The following KLHL3 variants were observed in gnomAD, a reference collection of about 807,000 sequenced individuals.
KLHL3 encodes the protein kelch-like protein 3.
Under a neutral mutation model 70.5 loss-of-function variants are expected in KLHL3, and 19 were observed. The observed-to-expected ratio is 0.27, with a 90% CI of 0.19 to 0.40. KLHL3 has a LOEUF of 0.40. KLHL3 is among the 10% of genes least tolerant of loss of function. The pLI is 1.00. For missense variants in KLHL3, 512 were observed against 771.1 expected (o/e 0.66, Z 3.98); for synonymous variants, 258 against 290.3 (o/e 0.89, Z 1.13).
At chr5:137,678,876 A>T in intron 5 of KLHL3, among the ~76,000 whole-genome samples, 1 of 152,112 alleles carries the variant, frequency 6.6e-6, no homozygotes. Context: ...CTATGGTCAC[A>T]ACTAAAGGTT....
intron 5 of KLHL3, among the ~76,000 whole-genome samples, chr5:137,691,098 A>C (rs1014195879): frequency 2.0e-5 from 3 of 152,248 alleles, no homozygotes; most frequent in Non-Finnish European, 4.4e-5. Context: ...TTAAAATAAT[A>C]GAATGACAAG....
At chr5:137,709,708 G>A (rs1752756413) in intron 3 of KLHL3, 42 bp downstream of exon 3, 3 of 1,479,188 alleles carry the variant, frequency 2.0e-6, no homozygotes, top group Non-Finnish European at 2.8e-6. Context: ...CAGTGGGGCT[G>A]CAGCCCCATA....
At chr5:137,727,483 G>A (rs75006714) in intron 1 of KLHL3, among the ~76,000 whole-genome samples, 1,701 of 152,126 alleles carry the variant, frequency 0.011, 34 homozygotes, top group African/African-American at 0.039. Flanking sequence ...TAAATCTCAG[G>A]GACCTAGCCT....
intron 7 of KLHL3, among the ~76,000 whole-genome samples, chr5:137,659,312 T>A (rs1319979872): frequency 1.3e-5 from 2 of 152,150 alleles, no homozygotes; most frequent in Non-Finnish European, 2.9e-5. Flanking sequence ...AGCCCTCAAG[T>A]CAGTGATGCA....
chr5:137,726,984 C>T (rs1753094906), intron 1 of KLHL3, among the ~76,000 whole-genome samples: 1 of 152,020 alleles, frequency 6.6e-6, no homozygotes, highest in African/African-American at 2.4e-5. Flanking sequence ...TAGCACAGCA[C>T]CTTCCAAAGC....
intron 10 of KLHL3, 64 bp from the exon 11 acceptor site, chr5:137,637,459 A>T: frequency 7.0e-7 from 1 of 1,438,242 alleles, no homozygotes; most frequent in Non-Finnish European, 9.8e-7. Flanking sequence ...TGTGAGAAGC[A>T]GTGAGGATGG....
At chr5:137,641,922 A>C (rs1442879078) in intron 8 of KLHL3, among the ~76,000 whole-genome samples, 1 of 152,186 alleles carries the variant, frequency 6.6e-6, no homozygotes, top group African/African-American at 2.4e-5. Flanking sequence ...CTCAGCTCAG[A>C]GGGTCCACTG....
chr5:137,643,706 T>G (rs964551479), intron 8 of KLHL3, among the ~76,000 whole-genome samples: 1 of 152,206 alleles, frequency 6.6e-6, no homozygotes, highest in Non-Finnish European at 1.5e-5. Context: ...ATACCCACCA[T>G]CTCAAACACT....
intron 5 of KLHL3, among the ~76,000 whole-genome samples, chr5:137,683,278 C>A (rs1054210142): frequency 6.6e-6 from 1 of 151,932 alleles, no homozygotes; most frequent in Non-Finnish European, 1.5e-5. Flanking sequence ...TGAAATAAAC[C>A]CCATAAGCCC....
intron 3 of KLHL3, among the ~76,000 whole-genome samples, chr5:137,704,090 C>T (rs1295217497): frequency 6.6e-6 from 1 of 152,218 alleles, no homozygotes; most frequent in Non-Finnish European, 1.5e-5. Context: ...AAAGTGAATT[C>T]TCCACGCACC....
At chr5:137,711,302 C>G (rs1176841107) in intron 2 of KLHL3, among the ~76,000 whole-genome samples, 1 of 152,222 alleles carries the variant, frequency 6.6e-6, no homozygotes, top group Non-Finnish European at 1.5e-5. Context: ...GCAAATGCTA[C>G]TAGAGATCAT....
At chr5:137,677,254 C>A (rs547257795) in intron 6 of KLHL3, among the ~76,000 whole-genome samples, 1 of 152,156 alleles carries the variant, frequency 6.6e-6, no homozygotes, top group Non-Finnish European at 1.5e-5. Context: ...CAAGACCAGT[C>A]TGGTCAACAT....
chr5:137,619,011 A>C lies in KLHL3; in HGVS notation c.*3087T>G, dbSNP rs1756320074. On this transcript the variant is annotated 3_prime_UTR_variant, in exon 15 of 15. Transcript: ENST00000309755. ...CTACGTTTGAGAGTGAATGATGCAAAGAACACAACATTTCATTATCATGGA... is the reference window on the plus strand; with the variant it reads ...CTACGTTTGAGAGTGAATGATGCAACGAACACAACATTTCATTATCATGGA... The C allele has an allele frequency of 6.6e-6, 1 of 152,440 alleles. No homozygotes were observed. The highest frequency in any genetic ancestry group is 1.5e-5 in the Non-Finnish European group (1 of 68,040). The allele number at this position is 152,440 out of a possible 1,614,324, so 9.4% of individuals were successfully genotyped here. A position where few individuals can be genotyped will look rare whatever the true frequency, so the allele number is the denominator to read the frequency against.
At chr5:137,653,295 A>G (rs1010181477) in intron 8 of KLHL3, among the ~76,000 whole-genome samples, 4 of 152,174 alleles carry the variant, frequency 2.6e-5, no homozygotes, top group East Asian at 1.9e-4. Context: ...TCTTCCAAAG[A>G]TACTGCTAAA....
At chr5:137,726,970 C>A (rs1753094762) in intron 1 of KLHL3, among the ~76,000 whole-genome samples, 1 of 152,102 alleles carries the variant, frequency 6.6e-6, no homozygotes, top group African/African-American at 2.4e-5. Context: ...ATTAGGCCCT[C>A]TTTTAGCACA....
intron 12 of KLHL3, among the ~76,000 whole-genome samples, chr5:137,630,923 G>C (rs1004747421): frequency 1.3e-5 from 2 of 152,034 alleles, no homozygotes; most frequent in African/African-American, 2.4e-5. Flanking sequence ...TTCTTAAATG[G>C]AATCATGCAG....
Position 137,692,796 on chromosome 5 carries a change from C to G in KLHL3, c.364-349G>C, listed in dbSNP as rs552121332. 3.2e-5 allele frequency: 8 copies of G among 252,540 alleles called. No homozygotes were observed. The East Asian group carries it at 7.7e-4, about 24-fold the overall frequency. The allele number at this position is 252,540 out of a possible 1,614,324, so 15.6% of individuals were successfully genotyped here. On this transcript the variant is annotated intron_variant, in intron 4 of 14. Transcript: ENST00000309755. ...ATGCTTGCAGTTGCTGGTCCACAAA[C>G]CACACTTTGAGTAACAAAACTCTAC... is the stretch of plus-strand genomic sequence containing the variant.
intron 2 of KLHL3, among the ~76,000 whole-genome samples, chr5:137,717,944 C>T (rs764772102): frequency 8.5e-5 from 13 of 152,132 alleles, no homozygotes; most frequent in Non-Finnish European, 1.2e-4. Flanking sequence ...TTTCCCAAAA[C>T]AAATTTCACA....
chr5:137,727,855 A>G (rs1253615586), intron 1 of KLHL3, among the ~76,000 whole-genome samples: 1 of 152,212 alleles, frequency 6.6e-6, no homozygotes, highest in Non-Finnish European at 1.5e-5. Context: ...AATGTTTAAC[A>G]GTTGATTGGG....
Sources: allele counts gnomAD v4.1 joint callset (sites outside exome capture counted in the v4.1 genomes callset), GRCh38; gene constraint gnomAD v4.1.1; transcripts MANE v1.5; gene names NCBI Gene and HGNC (gene_info 2026-07-23, HGNC 2026-07-21).